The following COX5A variants were observed in gnomAD, a reference collection of about 807,000 sequenced individuals.
The protein encoded by COX5A is cytochrome c oxidase subunit 5A.
In COX5A, 6 loss-of-function variants were observed where a neutral mutation model predicts 16.1. The ratio of observed to expected loss-of-function variants is 0.37; its 90% CI spans 0.20 to 0.73. The LOEUF is 0.73. Among genes scored for constraint, COX5A ranks in the 30% least tolerant of loss-of-function variants. The probability of loss-of-function intolerance (pLI) is 0.50; values close to 1 mark genes in which losing one functional copy is unlikely to be tolerated. For synonymous variants in COX5A, 73 were observed against 73.8 expected (o/e 0.99, Z 0.06); for missense variants, 159 against 194.9 (o/e 0.82, Z 1.10).
chr15:74,937,740 C>T, intron 1 of COX5A, 175 bp downstream of exon 1: 1 of 399,056 alleles, frequency 2.5e-6, no homozygotes. Flanking sequence ...CCCGGGGGCG[C>T]GCTTTCAGGT....
At chr15:74,924,344 C>T (rs1052754938) in intron 3 of COX5A, among the ~76,000 whole-genome samples, 3 of 152,002 alleles carry the variant, frequency 2.0e-5, no homozygotes, top group Non-Finnish European at 4.4e-5. Flanking sequence ...CGAGACCATC[C>T]TGACCAACAT....
chr15:74,922,460 CTG>C (rs552005924), intron 4 of COX5A, among the ~76,000 whole-genome samples: 5 of 151,716 alleles, frequency 3.3e-5, no homozygotes, highest in Non-Finnish European at 5.9e-5. Flanking sequence ...AACAGGAAGA[CTG>C]AATATAAAAA....
chr15:74,932,083 C>T (rs1371184097), intron 1 of COX5A, among the ~76,000 whole-genome samples: 1 of 152,140 alleles, frequency 6.6e-6, no homozygotes, highest in African/African-American at 2.4e-5. Context: ...AAAATGGGGA[C>T]GCTACCCCCC....
At chr15:74,928,875 C>CTAAA (rs1260694567) in intron 2 of COX5A, among the ~76,000 whole-genome samples, 1 of 152,124 alleles carries the variant, frequency 6.6e-6, no homozygotes, top group Non-Finnish European at 1.5e-5. Flanking sequence ...AAAGGTGATG[C>CTAAA]TAAACACCCT....
chr15:74,927,579 C>T (rs1317286596), intron 2 of COX5A, among the ~76,000 whole-genome samples: 3 of 151,922 alleles, frequency 2.0e-5, no homozygotes, highest in Non-Finnish European at 2.9e-5. Flanking sequence ...TCAAGACCAG[C>T]CTGGTCAACA....
At chr15:74,926,710 C>A in intron 3 of COX5A, 56 bp downstream of exon 3, 2 of 1,547,252 alleles carry the variant, frequency 1.3e-6, no homozygotes, top group Middle Eastern at 1.7e-4. Context: ...TATTCTGATA[C>A]CTCAGCAATA....
At chr15:74,920,606 T>C (rs1228502541) in intron 4 of COX5A, among the ~76,000 whole-genome samples, 164 bp from the exon 5 acceptor site, 1 of 152,246 alleles carries the variant, frequency 6.6e-6, no homozygotes, top group Non-Finnish European at 1.5e-5. Flanking sequence ...CGACTAGCTT[T>C]GTGGCTTTTT....
chr15:74,934,182 A>G (rs1056678025), intron 1 of COX5A, among the ~76,000 whole-genome samples: 1 of 152,120 alleles, frequency 6.6e-6, no homozygotes, highest in South Asian at 2.1e-4. Context: ...CCAGGGCAAC[A>G]AGGCTGCAGT....
intron 2 of COX5A, among the ~76,000 whole-genome samples, chr15:74,927,773 A>G (rs751397231): frequency 6.6e-6 from 1 of 151,700 alleles, no homozygotes; most frequent in Non-Finnish European, 1.5e-5. Context: ...ACTCCATCTC[A>G]AACAAAACAA....
At position 74,920,551 on chromosome 15, in the gene COX5A, C is replaced by A. The variant is rs573689962; in HGVS notation, c.*10-109G>T. The A allele has an allele frequency of 1.0e-3, 636 of 625,616 alleles. 4 individuals carry two copies. The highest frequency in any genetic ancestry group is 8.6e-3 in the Middle Eastern group (23 of 2,674). The allele number at this position is 625,616 out of a possible 1,614,324, so 38.8% of individuals were successfully genotyped here. ...CCAGGGAAATCACTGTCTCTCTGTA[C>A]CCTTTACTGCTCTTACTTAATCCTG... On this transcript the variant is annotated intron_variant, in intron 4 of 4. Transcript: ENST00000322347.
intron 1 of COX5A, chr15:74,937,627 C>G: frequency 3.9e-6 from 1 of 256,950 alleles, no homozygotes; most frequent in Non-Finnish European, 7.4e-6. Flanking sequence ...GGTCATGGCC[C>G]GGGAACCGAA....
chr15:74,929,147 C>T lies in COX5A; in HGVS notation c.186G>A (p.Lys62=), dbSNP rs1412270072. Residue 62 remains lysine (K), a synonymous_variant, in exon 2 of 5, where the codon AAG becomes AAA. Transcript: ENST00000322347. Reference sequence around the variant, plus strand: ...GCAATTCCCAGGCATCTATATCTGGCTTGTTGAAGTATGTTACCCAGCGAG... The same window carrying T: ...GCAATTCCCAGGCATCTATATCTGGTTTGTTGAAGTATGTTACCCAGCGAG... ...FDARWVTYFN[K]PDIDAWELRK... 1.2e-6 allele frequency: 2 copies of T among 1,613,794 alleles called. No homozygotes were observed. Among genetic ancestry groups the T allele is most frequent in the Admixed American group, 3.3e-5 (2 of 59,998 alleles).
intron 2 of COX5A, 88 bp downstream of exon 2, chr15:74,929,028 G>A: frequency 1.1e-6 from 1 of 936,062 alleles, no homozygotes; most frequent in Non-Finnish European, 1.7e-6. Flanking sequence ...AACAACGCAT[G>A]TTTTCGAAAC....
chr15:74,930,259 A>T (rs893011177), intron 1 of COX5A, among the ~76,000 whole-genome samples: 14 of 151,716 alleles, frequency 9.2e-5, no homozygotes, highest in Admixed American at 5.3e-4. Flanking sequence ...CTCTACTAAA[A>T]GTATAAAAAT....
At chr15:74,934,284 T>C (rs1391447661) in intron 1 of COX5A, among the ~76,000 whole-genome samples, 2 of 151,620 alleles carry the variant, frequency 1.3e-5, no homozygotes, top group African/African-American at 4.8e-5. Context: ...TAAAAACCCA[T>C]ACATCCCTTT....
intron 1 of COX5A, among the ~76,000 whole-genome samples, chr15:74,931,817 G>A (rs2141273751): frequency 6.6e-6 from 1 of 152,182 alleles, no homozygotes; most frequent in Middle Eastern, 3.4e-3. Flanking sequence ...GCCTCCCAAA[G>A]TGCTGGGATT....
intron 4 of COX5A, among the ~76,000 whole-genome samples, chr15:74,922,544 C>G (rs1262657124): frequency 6.6e-6 from 1 of 152,046 alleles, no homozygotes; most frequent in Non-Finnish European, 1.5e-5. Context: ...CAGGGTCTCA[C>G]TATGTTGCTC....
intron 1 of COX5A, among the ~76,000 whole-genome samples, chr15:74,930,435 A>C (rs544559261): frequency 6.9e-6 from 1 of 144,908 alleles, no homozygotes; most frequent in African/African-American, 2.6e-5. Context: ...AAAAAAAGAC[A>C]ATAAACAACA....
At chr15:74,926,976 A>G in intron 2 of COX5A, 89 bp from the exon 3 acceptor site, 1 of 1,418,084 alleles carries the variant, frequency 7.1e-7, no homozygotes, top group Admixed American at 2.1e-5. Context: ...TCACTGATGT[A>G]TGATCTTATC....
Sources: gnomAD v4.1 joint callset for allele counts (sites outside exome capture counted in the v4.1 genomes callset) on GRCh38, gnomAD v4.1.1 for gene constraint, MANE v1.5 for transcripts, NCBI Gene and HGNC (gene_info 2026-07-23, HGNC 2026-07-21) for gene names.